Variants in SND1 observed in about 807,000 individuals in gnomAD.
The protein encoded by SND1 is staphylococcal nuclease domain-containing protein 1.
In SND1, 38 loss-of-function variants were observed where a neutral mutation model predicts 121.7. That is an observed-to-expected ratio of 0.31 (90% CI 0.24 to 0.41). The LOEUF (loss-of-function observed/expected upper bound fraction) is 0.41. Among genes scored for constraint, SND1 ranks in the 10% least tolerant of loss-of-function variants. The pLI is 1.00. For missense variants in SND1, 868 were observed against 1,184.6 expected, an observed-to-expected ratio of 0.73 and a Z score of 3.92; for synonymous variants, 401 against 447.4, an observed-to-expected ratio of 0.90 and a Z score of 1.31.
chr7:127,751,869 A>G (rs1797103366), intron 10 of SND1, among the ~76,000 whole-genome samples: 1 of 152,162 alleles, frequency 6.6e-6, no homozygotes, highest in African/African-American at 2.4e-5. Context: ...CTGCAGCCGG[A>G]GCTCTTAGTG....
chr7:127,864,302 A>G (rs1799429702), intron 12 of SND1, among the ~76,000 whole-genome samples: 1 of 151,398 alleles, frequency 6.6e-6, no homozygotes, highest in South Asian at 2.1e-4. Context: ...AATTGTTTTC[A>G]ATACAATCTG....
chr7:128,061,019 G>C (rs547001892), intron 16 of SND1, among the ~76,000 whole-genome samples: 1 of 152,166 alleles, frequency 6.6e-6, no homozygotes, highest in Non-Finnish European at 1.5e-5. Flanking sequence ...AGGTGGAGCA[G>C]GGAGAATGAG....
intron 15 of SND1, among the ~76,000 whole-genome samples, chr7:127,979,856 TC>T (rs1463357097): frequency 1.2e-4 from 19 of 152,230 alleles, no homozygotes; most frequent in African/African-American, 4.6e-4. Flanking sequence ...CATTCTTAGC[TC>T]ATGAGCTCTG....
intron 3 of SND1, among the ~76,000 whole-genome samples, chr7:127,695,238 T>C (rs1022362175): frequency 1.3e-5 from 2 of 152,252 alleles, no homozygotes; most frequent in African/African-American, 2.4e-5. Context: ...TGGAACTCAA[T>C]GGCTCTGTGC....
rs1800307211 is a variant in SND1 at position 127,904,939 on chromosome 7, G to A, written c.1527+120G>A. On this transcript the variant is annotated intron_variant, in intron 14 of 23. Transcript: ENST00000354725. ...GCTCGCTCCTTTTCAGGCACTGACT[G>A]TGACTTTTCCCCACCCCGGGGCATC... 1.2e-5 allele frequency: 8 copies of A among 667,818 alleles called. No individual in the cohort carries two copies. The East Asian group carries it at 2.1e-4, about 18-fold the overall frequency. The allele number at this position is 667,818 out of a possible 1,614,324, so 41.4% of individuals were successfully genotyped here. A position where few individuals can be genotyped will look rare whatever the true frequency, so the allele number is the denominator to read the frequency against.
At position 128,074,439 on chromosome 7, in the gene SND1, G is replaced by A. The variant is rs225241; in HGVS notation, c.1780-63G>A. 538,261 of 1,502,682 alleles carry A rather than the reference G, an allele frequency of 0.36. 99,013 individuals are homozygous for A. The highest frequency in any genetic ancestry group is 0.49 in the African/African-American group (35,661 of 72,088). The allele number at this position is 1,502,682 out of a possible 1,614,324, so 93.1% of individuals were successfully genotyped here. A position where few individuals can be genotyped will look rare whatever the true frequency, so the allele number is the denominator to read the frequency against. On this transcript the variant is annotated intron_variant, in intron 16 of 23. Coordinates refer to ENST00000354725, the MANE Select transcript of SND1 (RefSeq NM_014390.4). ...GCTTCGGCGCTGCTGTCCTCCCCACGGGCACAGCCCCTGCACACTCAGGCC... is the reference window on the plus strand; with the variant it reads ...GCTTCGGCGCTGCTGTCCTCCCCACAGGCACAGCCCCTGCACACTCAGGCC...
intron 16 of SND1, among the ~76,000 whole-genome samples, chr7:128,008,964 AAC>A (rs1174033438): frequency 1.3e-5 from 2 of 152,214 alleles, no homozygotes; most frequent in Non-Finnish European, 2.9e-5. Flanking sequence ...AGAAGGCACA[AAC>A]ACAGAGGTTT....
At chr7:127,780,180 C>G (rs918407216) in intron 10 of SND1, among the ~76,000 whole-genome samples, 2 of 152,180 alleles carry the variant, frequency 1.3e-5, no homozygotes, top group Non-Finnish European at 2.9e-5. Context: ...TACCTGAAAA[C>G]CCCCACCAAT....
At chr7:127,899,356 C>T (rs1338951918) in intron 13 of SND1, among the ~76,000 whole-genome samples, 2 of 152,214 alleles carry the variant, frequency 1.3e-5, no homozygotes, top group Non-Finnish European at 2.9e-5. Flanking sequence ...AATTTCTGTT[C>T]TCCCAACTAT....
At chr7:127,871,645 T>C (rs12706820) in intron 12 of SND1, among the ~76,000 whole-genome samples, 34,010 of 152,140 alleles carry the variant, frequency 0.22, 4,265 homozygotes, top group Middle Eastern at 0.33. Flanking sequence ...CTGAAAATAA[T>C]GAAATTTCTC....
chr7:127,925,358 T>C (rs1416979442), intron 14 of SND1, among the ~76,000 whole-genome samples: 1 of 152,206 alleles, frequency 6.6e-6, no homozygotes, highest in Admixed American at 6.5e-5. Flanking sequence ...CCACAACTAA[T>C]TTATTTACTT....
Position 127,738,888 on chromosome 7 carries a change from C to T in SND1, c.1152+17488C>T, listed in dbSNP as rs770660333. On this transcript the variant is annotated intron_variant, in intron 10 of 23. Transcript: ENST00000354725. ...CTACCTTCCTGCCTCCACTTGAATA[C>T]TTTCCCCCTGTTCCTCTCTTTCTGG... 5.3e-5 allele frequency among the ~76,000 whole-genome samples: 8 copies of T among 152,204 alleles called. No homozygotes were observed. The East Asian group carries it at 1.5e-3, about 29-fold the overall frequency.
At chr7:127,724,022 T>C (rs555772601) in intron 10 of SND1, among the ~76,000 whole-genome samples, 1 of 152,350 alleles carries the variant, frequency 6.6e-6, no homozygotes, top group East Asian at 1.9e-4. Context: ...ATGAGGCTAG[T>C]GGCTACCATT....
intron 16 of SND1, among the ~76,000 whole-genome samples, chr7:128,069,342 TGAAGG>T (rs1011948936): frequency 6.6e-6 from 1 of 152,146 alleles, no homozygotes; most frequent in African/African-American, 2.4e-5. Context: ...TGGCATTTGT[TGAAGG>T]GAAGAGGAAG....
In SND1 at chr7:127,778,741, A is replaced by G. The variant is rs1302699164; in HGVS notation, c.1153-28743A>G. ...CACATAGTGCTTATGCATAATAGACATTTGAATGGTACATAGTTATTTAGT... is the reference window on the plus strand; with the variant it reads ...CACATAGTGCTTATGCATAATAGACGTTTGAATGGTACATAGTTATTTAGT... On this transcript the variant is annotated intron_variant, in intron 10 of 23. Transcript: ENST00000354725. Among the ~76,000 whole-genome samples, 5 of 152,208 alleles carry G rather than the reference A, an allele frequency of 3.3e-5. No individual in the cohort carries two copies. In the East Asian group the frequency reaches 7.7e-4, roughly 23 times the overall value.
chr7:127,877,301 A>G (rs1044000086), intron 12 of SND1, among the ~76,000 whole-genome samples: 1 of 152,124 alleles, frequency 6.6e-6, no homozygotes, highest in African/African-American at 2.4e-5. Flanking sequence ...CCTTTGCTAA[A>G]TTGCTTTGGC....
chr7:127,930,707 G>A (rs58659499), intron 15 of SND1, among the ~76,000 whole-genome samples: 2,471 of 152,316 alleles, frequency 0.016, 91 homozygotes, highest in African/African-American at 0.057. Context: ...TTGTGTGAGA[G>A]AGTCCTTTTA....
chr7:127,878,347 T>C (rs1799728604), intron 12 of SND1, among the ~76,000 whole-genome samples: 3 of 152,212 alleles, frequency 2.0e-5, no homozygotes, highest in Non-Finnish European at 4.4e-5. Flanking sequence ...TAGGAGAATA[T>C]TCTTTTTGCT....
At chr7:127,788,752 C>T (rs1200695242) in intron 10 of SND1, among the ~76,000 whole-genome samples, 1 of 152,192 alleles carries the variant, frequency 6.6e-6, no homozygotes, top group Non-Finnish European at 1.5e-5. Flanking sequence ...CCTGATTCTC[C>T]TGGCTCTTTT....
Sources: gnomAD v4.1 joint callset for allele counts (sites outside exome capture counted in the v4.1 genomes callset) on GRCh38, gnomAD v4.1.1 for gene constraint, MANE v1.5 for transcripts, NCBI Gene and HGNC (gene_info 2026-07-23, HGNC 2026-07-21) for gene names.